DOCK4: variants seen among roughly 807,000 people sequenced by gnomAD.
DOCK4 encodes dedicator of cytokinesis 4.
DOCK4 carries 97 observed loss-of-function variants against 268.1 expected under a neutral mutation model. That is an observed-to-expected ratio of 0.36 (90% CI 0.31 to 0.43). DOCK4 has a LOEUF of 0.43. Ranked by LOEUF, DOCK4 falls within the 20% of genes least tolerant of loss-of-function variation. The pLI is 1.00. For synonymous variants in DOCK4, 954 were observed against 887.2 expected, an observed-to-expected ratio of 1.08 and a Z score of -1.34; for missense variants, 2,145 against 2,455.7, an observed-to-expected ratio of 0.87 and a Z score of 2.67.
At position 111,755,529 on chromosome 7, in the gene DOCK4, C is replaced by T. The variant is rs763004748; in HGVS notation, c.4402G>A (p.Glu1468Lys). Reference sequence around the variant, plus strand: ...CTGATCCTTACCACTTCACGCTTTTCCACTTCAAACCAGCGAGAGATGCCA... The same window carrying T: ...CTGATCCTTACCACTTCACGCTTTTTCACTTCAAACCAGCGAGAGATGCCA... ...LPGISRWFEV[E>K]KREVVEMSPL... The change falls in exon 42 of 53, where the codon GAA becomes AAA. Residue 1468 changes from glutamate (E) to lysine (K), a missense_variant. Glu to Lys is a moderately conservative substitution (Grantham distance 56). Transcript: ENST00000428084. 2.5e-6 allele frequency: 4 copies of T among 1,613,962 alleles called. No homozygotes were observed. In the Admixed American group the frequency reaches 6.7e-5, roughly 27 times the overall value.
chr7:112,020,611 A>C (rs1397729241), intron 1 of DOCK4, among the ~76,000 whole-genome samples: 1 of 151,712 alleles, frequency 6.6e-6, no homozygotes, highest in Non-Finnish European at 1.5e-5. Context: ...GAGCACCGTA[A>C]GACCATGTGG....
chr7:112,019,128 T>C (rs1297397240), intron 1 of DOCK4, among the ~76,000 whole-genome samples: 1 of 152,154 alleles, frequency 6.6e-6, no homozygotes, highest in Non-Finnish European at 1.5e-5. Flanking sequence ...GTTAAACAAT[T>C]CAAAGTATTT....
At chr7:112,120,534 T>C (rs1449781967) in intron 1 of DOCK4, among the ~76,000 whole-genome samples, 1 of 152,176 alleles carries the variant, frequency 6.6e-6, no homozygotes, top group Non-Finnish European at 1.5e-5. Flanking sequence ...TAAAAGTAAA[T>C]GGACATATCT....
chr7:112,045,786 A>C (rs1395632767), intron 1 of DOCK4, among the ~76,000 whole-genome samples: 1 of 152,210 alleles, frequency 6.6e-6, no homozygotes, highest in Non-Finnish European at 1.5e-5. Context: ...ATTTTGTTCA[A>C]GAGAGAAACA....
intron 13 of DOCK4, among the ~76,000 whole-genome samples, chr7:111,910,320 T>C (rs974737144): frequency 1.3e-5 from 2 of 152,214 alleles, no homozygotes; most frequent in African/African-American, 2.4e-5. Flanking sequence ...TGCTTAGCAA[T>C]AGGCCAGGCC....
chr7:111,871,487 G>C (rs1806427093), intron 20 of DOCK4, among the ~76,000 whole-genome samples: 1 of 152,208 alleles, frequency 6.6e-6, no homozygotes, highest in South Asian at 2.1e-4. Flanking sequence ...TAAATTGCCT[G>C]AGGCCAGGGA....
intron 1 of DOCK4, among the ~76,000 whole-genome samples, chr7:112,106,293 C>G (rs1002555823): frequency 6.6e-6 from 1 of 152,174 alleles, no homozygotes; most frequent in African/African-American, 2.4e-5. Flanking sequence ...GTATTCTAAA[C>G]CACGGATGAG....
chr7:111,976,362 A>AT (rs1420296041), intron 8 of DOCK4, among the ~76,000 whole-genome samples: 1 of 134,496 alleles, frequency 7.4e-6, no homozygotes, highest in Non-Finnish European at 1.6e-5. Flanking sequence ...ATTGAAAAGT[A>AT]TTTTTTTAAA....
rs543882065 is a variant in DOCK4, at chr7:111,938,017, C to T, written c.977+2093G>A. ...AGTCATTAGCATTTCAAATAAACTA[C>T]GTTTTATGACCACCAGTTAAGTATG... On this transcript the variant is annotated intron_variant, in intron 11 of 52. Coordinates refer to ENST00000428084, the MANE Select transcript of DOCK4 (RefSeq NM_001363540.2). 5.3e-5 allele frequency among the ~76,000 whole-genome samples: 8 copies of T among 152,274 alleles called. No homozygotes were observed. In the South Asian group the frequency reaches 6.2e-4, roughly 12 times the overall value.
chr7:112,174,497 T>C (rs988860528), intron 1 of DOCK4, among the ~76,000 whole-genome samples: 3 of 151,938 alleles, frequency 2.0e-5, no homozygotes, highest in Non-Finnish European at 4.4e-5. Context: ...CTCTTTATCA[T>C]CACATCGTAA....
chr7:111,977,329 G>A (rs1562955582), intron 7 of DOCK4, 46 bp from the exon 8 acceptor site: 1 of 1,558,672 alleles, frequency 6.4e-7, no homozygotes, highest in East Asian at 2.4e-5. Context: ...TGGACTGAAG[G>A]AAATAACAGG....
intron 1 of DOCK4, among the ~76,000 whole-genome samples, chr7:112,205,448 C>A (rs1365424462): frequency 2.6e-5 from 4 of 152,068 alleles, no homozygotes; most frequent in Non-Finnish European, 5.9e-5. Flanking sequence ...AAGAACCGAG[C>A]GGCGCAGATG....
At chr7:111,887,515 G>T (rs1807941776) in intron 16 of DOCK4, among the ~76,000 whole-genome samples, 1 of 152,118 alleles carries the variant, frequency 6.6e-6, no homozygotes, top group Non-Finnish European at 1.5e-5. Flanking sequence ...TCAGGCCAAG[G>T]AGTGTGGGAT....
intron 25 of DOCK4, chr7:111,840,749 C>T: frequency 8.2e-7 from 1 of 1,226,834 alleles, no homozygotes; most frequent in Non-Finnish European, 1.0e-6. Context: ...ATTGTGGGAT[C>T]TGCGTTTACT....
Position 111,736,962 on chromosome 7 carries a change from C to T in DOCK4, c.5260G>A (p.Gly1754Arg), listed in dbSNP as rs766914725. The T allele has an allele frequency of 3.7e-5, 60 of 1,604,658 alleles. 5 individuals are homozygous for T. The Middle Eastern group carries it at 7.1e-3, about 189-fold the overall frequency. Residue 1754 changes from glycine (G) to arginine (R), a missense_variant, in exon 50 of 53, where the codon GGG (glycine) becomes AGG (arginine). Physicochemically the swap from Gly to Arg is moderately radical, Grantham distance 125. Coordinates refer to ENST00000428084, the MANE Select transcript of DOCK4 (RefSeq NM_001363540.2). ...TTTGGGTCACTGCGTGGCAAGGCCC[C>T]GTCTCCAATATGATTAAACAGCATC... ...QRMLFNHIGD[G>R]ALPRSDPNLS...
intron 1 of DOCK4, among the ~76,000 whole-genome samples, chr7:112,033,947 C>T (rs1803509269): frequency 6.6e-6 from 1 of 152,166 alleles, no homozygotes; most frequent in South Asian, 2.1e-4. Context: ...TATAAACTTA[C>T]AAATCCTGCA....
chr7:111,776,472 T>C (rs1798448136), intron 36 of DOCK4, among the ~76,000 whole-genome samples: 1 of 152,084 alleles, frequency 6.6e-6, no homozygotes, highest in Non-Finnish European at 1.5e-5. Context: ...CTTAACTCAA[T>C]AGACATTAGT....
At chr7:111,791,945 A>T (rs1241259626) in intron 30 of DOCK4, among the ~76,000 whole-genome samples, 1 of 152,222 alleles carries the variant, frequency 6.6e-6, no homozygotes, top group African/African-American at 2.4e-5. Flanking sequence ...AAAAGAATAT[A>T]AACATTTTCT....
At chr7:112,071,192 G>A (rs1807551724) in intron 1 of DOCK4, among the ~76,000 whole-genome samples, 1 of 152,070 alleles carries the variant, frequency 6.6e-6, no homozygotes, top group Non-Finnish European at 1.5e-5. Flanking sequence ...TTTTATCTTT[G>A]CCACAGCCCA....
Sources: gnomAD v4.1 joint callset for allele counts (sites outside exome capture counted in the v4.1 genomes callset) on GRCh38, gnomAD v4.1.1 for gene constraint, MANE v1.5 for transcripts, NCBI Gene and HGNC (gene_info 2026-07-23, HGNC 2026-07-21) for gene names.